Variants in WT1 observed in about 807,000 individuals in gnomAD.
The protein encoded by WT1 is Wilms tumor protein.
A neutral mutation model predicts 60.8 loss-of-function variants in WT1; 8 were observed. The observed-to-expected ratio is 0.13, with a 90% CI of 0.08 to 0.24. WT1 has a LOEUF of 0.24. WT1 is among the 10% of genes least tolerant of loss of function. The pLI is 1.00. For synonymous variants in WT1, 312 were observed against 297.1 expected, an observed-to-expected ratio of 1.05 and a Z score of -0.52; for missense variants, 568 against 711.8, an observed-to-expected ratio of 0.80 and a Z score of 2.30.
At chr11:32,394,223 C>A (rs1183414639) in intron 7 of WT1, among the ~76,000 whole-genome samples, 1 of 152,114 alleles carries the variant, frequency 6.6e-6, no homozygotes, top group Non-Finnish European at 1.5e-5. Context: ...CAGGTTGGTG[C>A]CTTATGTTTC....
Position 32,408,234 on chromosome 11 carries a change from T to G in WT1, c.1017-8190A>C, listed in dbSNP as rs1440428893. On this transcript the variant is annotated intron_variant, in intron 5 of 9. Transcript: ENST00000452863. ...CTCAGAAAAAAAAAAAAAAAAATGC[T>G]GGGCGCAGTGGCTCACGCCTGTAAT... Among the ~76,000 whole-genome samples the G allele has an allele frequency of 1.6e-5, 2 of 127,920 alleles. 1 individual carries two copies. Among genetic ancestry groups the G allele is most frequent in the South Asian group, 5.2e-4 (2 of 3,816 alleles). The allele number at this position is 127,920 out of a possible 152,430, so 83.9% of individuals were successfully genotyped here. A position where few individuals can be genotyped will look rare whatever the true frequency, so the allele number is the denominator to read the frequency against.
At chr11:32,422,373 G>A (rs1852882937) in intron 3 of WT1, among the ~76,000 whole-genome samples, 1 of 152,228 alleles carries the variant, frequency 6.6e-6, no homozygotes, top group African/African-American at 2.4e-5. Context: ...ATTCAAGCCT[G>A]TGGCTTTGAT....
rs748112905 is a variant in WT1 at position 32,416,493 on chromosome 11, C to T, written c.1013G>A (p.Ser338Asn). The T allele has an allele frequency of 1.2e-6, 2 of 1,614,176 alleles. No individual in the cohort carries two copies. Among genetic ancestry groups the T allele is most frequent in the Non-Finnish European group, 1.7e-6 (2 of 1,180,014 alleles). Residue 338 changes from serine (S) to asparagine (N), a missense_variant, in exon 5 of 10, where the codon AGC becomes AAC. Physicochemically the swap from Ser to Asn is conservative, Grantham distance 46. This residue lies in a region of WT1 where 523 missense variants were observed against 565.1 expected (regional missense o/e 0.93). Transcript: ENST00000452863. The stretch of plus-strand genomic sequence containing the variant: ...CATCTCCGCATTGTCCACTCACTTG[C>T]TCTGCCCTTCTGTCCATTTCACTGA...
chr11:32,396,037 C>T (rs935936620), intron 7 of WT1, among the ~76,000 whole-genome samples: 2 of 152,208 alleles, frequency 1.3e-5, no homozygotes, highest in African/African-American at 4.8e-5. Flanking sequence ...TACCACTCTG[C>T]TCTGCCTTTC....
At chr11:32,427,237 C>A (rs1323845216) in intron 3 of WT1, among the ~76,000 whole-genome samples, 1 of 152,256 alleles carries the variant, frequency 6.6e-6, no homozygotes, top group Non-Finnish European at 1.5e-5. Context: ...CGGCCAAGTT[C>A]ACCCAAAGTT....
intron 3 of WT1, among the ~76,000 whole-genome samples, chr11:32,423,466 T>C (rs1852920297): frequency 6.6e-6 from 1 of 152,240 alleles, no homozygotes; most frequent in Non-Finnish European, 1.5e-5. Flanking sequence ...CTAAGAACTT[T>C]CTGTTGAAAG....
chr11:32,409,972 A>T (rs1479360634), intron 5 of WT1, among the ~76,000 whole-genome samples: 1 of 150,914 alleles, frequency 6.6e-6, no homozygotes, highest in East Asian at 2.0e-4. Flanking sequence ...TGTTGCCCAC[A>T]CTGGAGTGCA....
intron 3 of WT1, among the ~76,000 whole-genome samples, chr11:32,424,175 A>AC (rs1020390371): frequency 6.6e-5 from 10 of 151,880 alleles, no homozygotes; most frequent in Middle Eastern, 3.4e-3. Flanking sequence ...AAAAAAAAAA[A>AC]AAAAAGTGAT....
At chr11:32,409,364 C>T (rs1852423192) in intron 5 of WT1, among the ~76,000 whole-genome samples, 1 of 151,926 alleles carries the variant, frequency 6.6e-6, no homozygotes, top group Non-Finnish European at 1.5e-5. Flanking sequence ...AAATATCTGA[C>T]AGAAAAAAAC....
At chr11:32,434,548 T>A (rs2133100246) in intron 1 of WT1, 152 bp downstream of exon 1, 6 of 1,472,540 alleles carry the variant, frequency 4.1e-6, no homozygotes, top group Middle Eastern at 5.0e-4. Flanking sequence ...TCCGGCCTCC[T>A]CCCCAGCCGC....
At chr11:32,392,132 C>T (rs1469300570) in intron 8 of WT1, 68 bp from the exon 9 acceptor site, 3 of 1,412,246 alleles carry the variant, frequency 2.1e-6, no homozygotes, top group African/African-American at 2.8e-5. Flanking sequence ...ACAAGGCTGA[C>T]TTCCGGCAGC....
intron 3 of WT1, among the ~76,000 whole-genome samples, chr11:32,420,582 A>C (rs1233427154): frequency 2.0e-5 from 3 of 152,140 alleles, no homozygotes; most frequent in African/African-American, 7.2e-5. Context: ...GGGTTGAGGC[A>C]CAGAGAGATG....
intron 5 of WT1, among the ~76,000 whole-genome samples, chr11:32,405,499 T>G (rs899767139): frequency 1.9e-4 from 28 of 148,822 alleles, no homozygotes; most frequent in African/African-American, 6.6e-4. Context: ...TATAATATAT[T>G]CATAAATGTA....
rs530646900 is a variant in WT1 at position 32,397,591 on chromosome 11, A to T, written c.1114-1184T>A. Among the ~76,000 whole-genome samples the T allele has an allele frequency of 1.0e-4, 15 of 150,248 alleles. 1 individual carries two copies. The South Asian group carries it at 2.9e-3, about 29-fold the overall frequency. ...CACCTTGGCCTCCTAGAGTGCTGGG[A>T]TTACAGGTGTGAGCCACCATGCCTG... is the stretch of plus-strand genomic sequence containing the variant. On this transcript the variant is annotated intron_variant, in intron 6 of 9. Coordinates refer to ENST00000452863, the MANE Select transcript of WT1 (RefSeq NM_024426.6).
At chr11:32,416,686 C>G in intron 4 of WT1, 146 bp from the exon 5 acceptor site, 5 of 1,006,036 alleles carry the variant, frequency 5.0e-6, no homozygotes, top group Non-Finnish European at 7.8e-6. Context: ...GTCCCCAGTC[C>G]CACTGGGGCC....
chr11:32,410,055 C>G (rs969893770), intron 5 of WT1, among the ~76,000 whole-genome samples: 1 of 152,162 alleles, frequency 6.6e-6, no homozygotes, highest in Admixed American at 6.5e-5. Context: ...CTCAGCCTCC[C>G]GAGCAGCTGG....
intron 3 of WT1, among the ~76,000 whole-genome samples, chr11:32,425,508 T>A (rs1853004946): frequency 6.6e-6 from 1 of 152,196 alleles, no homozygotes; most frequent in Admixed American, 6.5e-5. Context: ...GGAAACCATA[T>A]AACTGTAGTA....
chr11:32,418,269 T>G (rs1852744206), intron 3 of WT1, among the ~76,000 whole-genome samples: 2 of 150,138 alleles, frequency 1.3e-5, no homozygotes, highest in South Asian at 4.2e-4. Flanking sequence ...AGAGCCCAGT[T>G]CTATAAGACT....
chr11:32,409,232 A>T (rs3847589), intron 5 of WT1, among the ~76,000 whole-genome samples: 26,118 of 152,156 alleles, frequency 0.17, 3,262 homozygotes, highest in East Asian at 0.65. Context: ...AGTAAAATTT[A>T]AAAAATACCA....
Sources: gnomAD v4.1 joint callset for allele counts (sites outside exome capture counted in the v4.1 genomes callset) on GRCh38, gnomAD v4.1.1 for gene constraint, gnomAD v4.1.1 regional missense constraint, MANE v1.5 for transcripts, NCBI Gene and HGNC (gene_info 2026-07-23, HGNC 2026-07-21) for gene names.